The following GPC6 variants were observed in gnomAD, a reference collection of about 807,000 sequenced individuals.
The protein encoded by GPC6 is glypican 6.
GPC6 carries 14 observed loss-of-function variants against 55.2 expected under a neutral mutation model. That is an observed-to-expected ratio of 0.25 (90% confidence interval 0.17 to 0.40). The LOEUF is 0.40. Ranked by LOEUF, GPC6 falls within the 10% of genes least tolerant of loss-of-function variation. The pLI is 1.00. For synonymous variants in GPC6, 278 were observed against 259.6 expected (o/e 1.07, Z -0.68); for missense variants, 641 against 708.5 (o/e 0.90, Z 1.08).
At chr13:93,457,850 T>C (rs1878522749) in intron 1 of GPC6, among the ~76,000 whole-genome samples, 1 of 152,046 alleles carries the variant, frequency 6.6e-6, no homozygotes, top group Admixed American at 6.6e-5. Flanking sequence ...AAAAGAAAAC[T>C]AGACATCTAT....
At chr13:94,112,768 A>T (rs1258185796) in intron 4 of GPC6, among the ~76,000 whole-genome samples, 1 of 152,176 alleles carries the variant, frequency 6.6e-6, no homozygotes, top group East Asian at 1.9e-4. Context: ...TCTTATTAAA[A>T]GTGCCATTTT....
At chr13:93,474,320 GT>G (rs1879228300) in intron 1 of GPC6, among the ~76,000 whole-genome samples, 1 of 152,118 alleles carries the variant, frequency 6.6e-6, no homozygotes, top group African/African-American at 2.4e-5. Context: ...GGTTTTTAGT[GT>G]GCTGAATAGG....
At chr13:93,996,652 A>T (rs564596488) in intron 3 of GPC6, among the ~76,000 whole-genome samples, 13 of 152,322 alleles carry the variant, frequency 8.5e-5, no homozygotes, top group African/African-American at 3.1e-4. Flanking sequence ...AGCCAATGTT[A>T]TAGACCAAAT....
At chr13:93,575,983 T>C (rs1876645363) in intron 2 of GPC6, among the ~76,000 whole-genome samples, 1 of 152,144 alleles carries the variant, frequency 6.6e-6, no homozygotes, top group South Asian at 2.1e-4. Flanking sequence ...CAAGTCTTCA[T>C]TGACTCTATA....
At chr13:93,663,549 A>G (rs1173928545) in intron 2 of GPC6, among the ~76,000 whole-genome samples, 1 of 152,208 alleles carries the variant, frequency 6.6e-6, no homozygotes, top group Non-Finnish European at 1.5e-5. Flanking sequence ...CTGAATAATA[A>G]TGGATTTTAA....
chr13:93,662,489 G>A (rs573670473), intron 2 of GPC6, among the ~76,000 whole-genome samples: 3 of 152,146 alleles, frequency 2.0e-5, no homozygotes, highest in East Asian at 3.9e-4. Context: ...AAAGTAGCTG[G>A]GTGTGGTGGC....
rs111416846 is a variant in GPC6, at chr13:94,252,113, A to G, written c.878-34236A>G. Among the ~76,000 whole-genome samples, 1,366 of 152,138 alleles carry G rather than the reference A, an allele frequency of 9.0e-3. 22 individuals are homozygous for G. The highest frequency in any genetic ancestry group is 0.031 in the African/African-American group (1,283 of 41,498). ...TGTAATGCTCCTTGGGTGGCCTTCA[A>G]TGTCCCATACTTATTTCCTCTCACT... On this transcript the variant is annotated intron_variant, in intron 4 of 8. Transcript: ENST00000377047.
intron 2 of GPC6, among the ~76,000 whole-genome samples, chr13:93,659,404 C>T (rs941135627): frequency 2.0e-5 from 3 of 151,920 alleles, no homozygotes; most frequent in African/African-American, 7.2e-5. Flanking sequence ...AGAATTCTAT[C>T]ACTAACAGTT....
At chr13:93,717,575 A>T (rs1445527186) in intron 2 of GPC6, among the ~76,000 whole-genome samples, 1 of 151,618 alleles carries the variant, frequency 6.6e-6, no homozygotes, top group African/African-American at 2.4e-5. Context: ...CATGATGCTG[A>T]TTTCACTCAG....
chr13:94,089,613 G>T (rs1443126460), intron 4 of GPC6, among the ~76,000 whole-genome samples: 5 of 82,084 alleles, frequency 6.1e-5, no homozygotes, highest in Non-Finnish European at 1.4e-4. Flanking sequence ...CTGTATTTGG[G>T]TGAAATTGCC....
At chr13:94,232,969 T>C (rs1890776289) in intron 4 of GPC6, among the ~76,000 whole-genome samples, 1 of 146,272 alleles carries the variant, frequency 6.8e-6, no homozygotes, top group Non-Finnish European at 1.5e-5. Flanking sequence ...GAATTCACAA[T>C]AGTTCAGGTT....
chr13:94,293,965 C>T (rs1875170558), intron 5 of GPC6, among the ~76,000 whole-genome samples: 1 of 152,158 alleles, frequency 6.6e-6, no homozygotes, highest in Non-Finnish European at 1.5e-5. Flanking sequence ...GTTGTTAGTG[C>T]TTCAAGCCCC....
chr13:93,625,421 T>C (rs370426151), intron 2 of GPC6, among the ~76,000 whole-genome samples: 13 of 152,220 alleles, frequency 8.5e-5, no homozygotes, highest in Non-Finnish European at 5.9e-5. Flanking sequence ...AAAATCCTGC[T>C]GGACTGGGAA....
chr13:94,133,079 T>G (rs1348667042), intron 4 of GPC6, among the ~76,000 whole-genome samples: 1 of 152,114 alleles, frequency 6.6e-6, no homozygotes, highest in Non-Finnish European at 1.5e-5. Context: ...TGATTCTCAT[T>G]CTGGGAAGAA....
chr13:94,021,077 G>C (rs1042362155), intron 3 of GPC6, among the ~76,000 whole-genome samples: 1 of 151,918 alleles, frequency 6.6e-6, no homozygotes, highest in Non-Finnish European at 1.5e-5. Context: ...CTGTACATTA[G>C]AAACTGTGGA....
At chr13:93,877,601 C>G (rs1874665982) in intron 3 of GPC6, among the ~76,000 whole-genome samples, 1 of 151,988 alleles carries the variant, frequency 6.6e-6, no homozygotes, top group African/African-American at 2.4e-5. Flanking sequence ...TTGTCAATCC[C>G]TAAGTCTATG....
At chr13:94,066,122 T>C (rs1315401780) in intron 4 of GPC6, among the ~76,000 whole-genome samples, 1 of 152,220 alleles carries the variant, frequency 6.6e-6, no homozygotes, top group Non-Finnish European at 1.5e-5. Flanking sequence ...AAATTAATTT[T>C]GTGAATAAAA....
At chr13:93,944,175 TTTATTTATTTA>T (rs1428716739) in intron 3 of GPC6, among the ~76,000 whole-genome samples, 24 of 6,398 alleles carry the variant, frequency 3.8e-3, no homozygotes, top group African/African-American at 8.6e-3. Context: ...TTTTATTTTA[TTTATTTATTTA>T]TTTATTTATT....
intron 2 of GPC6, among the ~76,000 whole-genome samples, chr13:93,575,914 CT>C (rs1273651862): frequency 6.6e-6 from 1 of 152,014 alleles, no homozygotes; most frequent in Non-Finnish European, 1.5e-5. Context: ...GTTTTTTCTT[CT>C]TTTTTTCAAC....
Sources: allele counts gnomAD v4.1 joint callset (sites outside exome capture counted in the v4.1 genomes callset), GRCh38; gene constraint gnomAD v4.1.1; transcripts MANE v1.5; gene names NCBI Gene and HGNC (gene_info 2026-07-23, HGNC 2026-07-21).